AFAP1L2: variants seen among roughly 807,000 people sequenced by gnomAD.
AFAP1L2 encodes actin filament-associated protein 1-like 2.
In AFAP1L2, 46 loss-of-function variants were observed where a neutral mutation model predicts 99.3. That is an observed-to-expected ratio of 0.46 (90% CI 0.37 to 0.59). The LOEUF (loss-of-function observed/expected upper bound fraction) is 0.59. AFAP1L2 is among the 20% of genes least tolerant of loss of function. AFAP1L2 has a pLI of 0.00. For missense variants in AFAP1L2, 959 were observed against 1,034.9 expected, an observed-to-expected ratio of 0.93 and a Z score of 1.01; for synonymous variants, 397 against 419.1, an observed-to-expected ratio of 0.95 and a Z score of 0.64.
At chr10:114,340,359 C>A (rs572122203) in intron 2 of AFAP1L2, among the ~76,000 whole-genome samples, 4 of 152,162 alleles carry the variant, frequency 2.6e-5, no homozygotes, top group Non-Finnish European at 5.9e-5. Context: ...GGGACACAGA[C>A]ACAGAGAAAA....
At chr10:114,328,973 T>A (rs10885548) in intron 4 of AFAP1L2, among the ~76,000 whole-genome samples, 89,173 of 152,134 alleles carry the variant, frequency 0.59, 30,914 homozygotes, top group East Asian at 0.92. Context: ...CTCTGGTCCT[T>A]CACAGCAGAG....
At chr10:114,300,070 C>T (rs1285938417) in intron 15 of AFAP1L2, 124 bp downstream of exon 15, 3 of 1,346,180 alleles carry the variant, frequency 2.2e-6, no homozygotes, top group Non-Finnish European at 3.0e-6. Flanking sequence ...ACCTTGTGAT[C>T]GTGTGAGTCA....
At chr10:114,291,227 G>C (rs1157186075), downstream of AFAP1L2, 1 of 1,550,532 alleles carries the variant, frequency 6.4e-7, no homozygotes, top group Admixed American at 2.0e-5. Context: ...GGATTCTTGA[G>C]ACGCCCCTGA....
chr10:114,403,356 G>A (rs1006724930), intron 1 of AFAP1L2, among the ~76,000 whole-genome samples: 1 of 152,202 alleles, frequency 6.6e-6, no homozygotes, highest in African/African-American at 2.4e-5. Flanking sequence ...AGGGAAGCCG[G>A]TCCCAACAGG....
intron 11 of AFAP1L2, among the ~76,000 whole-genome samples, chr10:114,303,996 T>A (rs1484767579): frequency 6.6e-6 from 1 of 152,252 alleles, no homozygotes; most frequent in Non-Finnish European, 1.5e-5. Flanking sequence ...GAGTCCATAT[T>A]GCTCTTGTCC....
At chr10:114,338,170 A>G (rs1364896469) in intron 2 of AFAP1L2, among the ~76,000 whole-genome samples, 1 of 152,234 alleles carries the variant, frequency 6.6e-6, no homozygotes, top group East Asian at 1.9e-4. Flanking sequence ...CACAGGGAAC[A>G]GGGAAGGGGA....
chr10:114,281,812 T>C, the AFAP1L2 span: 13 of 933,282 alleles, frequency 1.4e-5, no homozygotes, highest in Admixed American at 6.2e-5. Flanking sequence ...AGAATTACTA[T>C]ACAAAGAGGA....
At chr10:114,307,218 G>A (rs2134338693) in intron 10 of AFAP1L2, among the ~76,000 whole-genome samples, 1 of 152,064 alleles carries the variant, frequency 6.6e-6, no homozygotes, top group East Asian at 1.9e-4. Flanking sequence ...GGTTCTCATT[G>A]TCCCCTTCAT....
intron 7 of AFAP1L2, among the ~76,000 whole-genome samples, chr10:114,312,127 T>A (rs1320187479): frequency 6.6e-6 from 1 of 151,878 alleles, no homozygotes; most frequent in African/African-American, 2.4e-5. Context: ...GCCAGGGGCC[T>A]CAGGAAGAGG....
intron 3 of AFAP1L2, among the ~76,000 whole-genome samples, chr10:114,332,841 T>C (rs2135635089): frequency 6.6e-6 from 1 of 152,284 alleles, no homozygotes; most frequent in South Asian, 2.1e-4. Context: ...GACACCACCA[T>C]TTACTTCTCT....
In AFAP1L2 at chr10:114,294,884, T is replaced by G. The variant is rs1275370968; in HGVS notation, c.*1158A>C. 1 of 982,996 alleles carries G rather than the reference T, an allele frequency of 1.0e-6. No individual in the cohort carries two copies. Among genetic ancestry groups the G allele is most frequent in the Non-Finnish European group, 1.2e-6 (1 of 827,764 alleles). The allele number at this position is 982,996 out of a possible 1,614,324, so 60.9% of individuals were successfully genotyped here. A position where few individuals can be genotyped will look rare whatever the true frequency, so the allele number is the denominator to read the frequency against. On this transcript the variant is annotated 3_prime_UTR_variant, in exon 19 of 19. Transcript: ENST00000304129. ...AACTAACTCACCACTTGGTAAAAGG[T>G]CACCAAATGTTTATGAGAGAGGAAA...
chr10:114,330,174 T>C (rs2047019969), intron 4 of AFAP1L2, among the ~76,000 whole-genome samples: 2 of 152,204 alleles, frequency 1.3e-5, no homozygotes, highest in African/African-American at 4.8e-5. Flanking sequence ...CCCCACATGG[T>C]AGAGTCAGAT....
the AFAP1L2 span, chr10:114,284,939 C>T: frequency 6.2e-7 from 1 of 1,604,040 alleles, no homozygotes; most frequent in Non-Finnish European, 8.5e-7. Context: ...AGTGCCTCTG[C>T]CCGCTGGCCT....
At chr10:114,345,591 G>C (rs2049432254) in intron 1 of AFAP1L2, among the ~76,000 whole-genome samples, 2 of 152,334 alleles carry the variant, frequency 1.3e-5, no homozygotes, top group South Asian at 4.1e-4. Flanking sequence ...AATGGGCTAA[G>C]GAGGCTGAAT....
At chr10:114,293,424 G>A (rs917734785), downstream of AFAP1L2, among the ~76,000 whole-genome samples, 2 of 152,112 alleles carry the variant, frequency 1.3e-5, no homozygotes, top group African/African-American at 2.4e-5. Context: ...GTGGGCTCTC[G>A]ACTTACATAG....
intron 1 of AFAP1L2, among the ~76,000 whole-genome samples, chr10:114,378,902 C>T (rs940435788): frequency 4.6e-5 from 7 of 151,966 alleles, no homozygotes; most frequent in African/African-American, 9.7e-5. Context: ...TCACTCTGAT[C>T]GGGACTAAAT....
At chr10:114,286,260 C>T in the AFAP1L2 span, 1 of 1,611,122 alleles carries the variant, frequency 6.2e-7, no homozygotes, top group South Asian at 1.1e-5. Flanking sequence ...GCCACCAGGA[C>T]AGGCCAGGAC....
At chr10:114,353,040 A>C (rs2050782877) in intron 1 of AFAP1L2, among the ~76,000 whole-genome samples, 2 of 152,208 alleles carry the variant, frequency 1.3e-5, no homozygotes, top group African/African-American at 4.8e-5. Context: ...CTCCATGGGC[A>C]GTCACGTGAC....
chr10:114,344,966 G>T (rs555833366), intron 1 of AFAP1L2, among the ~76,000 whole-genome samples: 1 of 151,876 alleles, frequency 6.6e-6, no homozygotes, highest in African/African-American at 2.4e-5. Flanking sequence ...GGGTGGTGGC[G>T]TGCACCTGTA....
Sources: gnomAD v4.1 joint callset for allele counts (sites outside exome capture counted in the v4.1 genomes callset) on GRCh38, gnomAD v4.1.1 for gene constraint, MANE v1.5 for transcripts, NCBI Gene and HGNC (gene_info 2026-07-23, HGNC 2026-07-21) for gene names.